Variants in RPS6KC1 observed in about 807,000 individuals in gnomAD.
The protein encoded by RPS6KC1 is inactive ribosomal protein S6 kinase delta-1.
In RPS6KC1, 54 loss-of-function variants were observed where a neutral mutation model predicts 103.8. The ratio of observed to expected loss-of-function variants is 0.52; its 90% confidence interval spans 0.42 to 0.65. The LOEUF is 0.65. Ranked by LOEUF, RPS6KC1 falls within the 30% of genes least tolerant of loss-of-function variation. RPS6KC1 has a pLI of 0.00. For missense variants in RPS6KC1, 1,151 were observed against 1,253.8 expected (o/e 0.92, Z 1.24); for synonymous variants, 439 against 438.7 (o/e 1.00, Z -0.01).
At chr1:213,564,553 G>C in the RPS6KC1 span, among the ~76,000 whole-genome samples, 1 of 152,152 alleles carries the variant, frequency 6.6e-6, no homozygotes, top group African/African-American at 2.4e-5. Flanking sequence ...TTTCTTTGTT[G>C]CCACATTGGA....
the RPS6KC1 span, among the ~76,000 whole-genome samples, chr1:213,579,375 G>A: frequency 6.6e-6 from 1 of 152,102 alleles, no homozygotes; most frequent in African/African-American, 2.4e-5. Flanking sequence ...CAGAAGAAAA[G>A]TTAGAAGCTA....
At chr1:213,160,859 G>A (rs948224929) in intron 6 of RPS6KC1, among the ~76,000 whole-genome samples, 1 of 151,724 alleles carries the variant, frequency 6.6e-6, no homozygotes, top group African/African-American at 2.4e-5. Flanking sequence ...TGGGGTGGGG[G>A]GATGGGGGAG....
At chr1:213,204,640 T>C (rs1195540025) in intron 8 of RPS6KC1, among the ~76,000 whole-genome samples, 1 of 150,776 alleles carries the variant, frequency 6.6e-6, no homozygotes, top group East Asian at 1.9e-4. Context: ...TTTTTTTTTT[T>C]TGAGGCAGGA....
chr1:213,478,235 T>C, the RPS6KC1 span, among the ~76,000 whole-genome samples: 2 of 152,316 alleles, frequency 1.3e-5, 1 homozygote, highest in South Asian at 4.1e-4. Flanking sequence ...ATTGTCCGAA[T>C]GTACCACACT....
the RPS6KC1 span, among the ~76,000 whole-genome samples, chr1:213,400,732 A>C: frequency 6.7e-6 from 1 of 149,922 alleles, no homozygotes; most frequent in Admixed American, 6.6e-5. Context: ...TTTGAGACAG[A>C]GTCTCGCTCT....
the RPS6KC1 span, among the ~76,000 whole-genome samples, chr1:213,526,585 T>C: frequency 6.6e-6 from 1 of 152,120 alleles, no homozygotes; most frequent in South Asian, 2.1e-4. Flanking sequence ...ATAAAATCTG[T>C]TGGAAAGAAT....
the RPS6KC1 span, among the ~76,000 whole-genome samples, chr1:213,469,713 T>C: frequency 6.6e-6 from 1 of 152,204 alleles, no homozygotes; most frequent in African/African-American, 2.4e-5. Context: ...AAACAAACTT[T>C]AGTTTTAAAA....
intron 4 of RPS6KC1, among the ~76,000 whole-genome samples, chr1:213,106,860 A>T (rs1005643713): frequency 1.3e-5 from 2 of 152,214 alleles, no homozygotes; most frequent in African/African-American, 4.8e-5. Flanking sequence ...TACAGTTACT[A>T]ATTATAATTG....
intron 6 of RPS6KC1, among the ~76,000 whole-genome samples, chr1:213,154,078 C>A (rs112393745): frequency 0.01 from 1,590 of 152,276 alleles, 31 homozygotes; most frequent in African/African-American, 0.036. Context: ...CAGTCAGAGG[C>A]TCTTGTTGTT....
chr1:213,537,226 A>C, the RPS6KC1 span, among the ~76,000 whole-genome samples: 1 of 152,168 alleles, frequency 6.6e-6, no homozygotes, highest in Non-Finnish European at 1.5e-5. Context: ...CAAAGAGTGA[A>C]TCTCTGGGTT....
the RPS6KC1 span, among the ~76,000 whole-genome samples, chr1:213,554,129 G>T: frequency 2.0e-5 from 3 of 152,012 alleles, no homozygotes; most frequent in African/African-American, 7.3e-5. Context: ...TATTTCTTAG[G>T]TTTTCTTCTA....
chr1:213,059,697 G>A (rs942153757), intron 1 of RPS6KC1, among the ~76,000 whole-genome samples: 4 of 150,526 alleles, frequency 2.7e-5, no homozygotes, highest in East Asian at 2.0e-4. Flanking sequence ...TTTTTGAGAC[G>A]CATCTCGCTC....
At chr1:213,469,722 A>G in the RPS6KC1 span, among the ~76,000 whole-genome samples, 1 of 152,200 alleles carries the variant, frequency 6.6e-6, no homozygotes, top group African/African-American at 2.4e-5. Flanking sequence ...TTAGTTTTAA[A>G]AATCACATAA....
intron 7 of RPS6KC1, 60 bp downstream of exon 7, chr1:213,168,033 G>A: frequency 2.0e-6 from 2 of 998,520 alleles, no homozygotes; most frequent in Non-Finnish European, 3.1e-6. Context: ...TGGTCTCTCT[G>A]CTTTATTTCT....
chr1:213,746,720 G>A, the RPS6KC1 span, among the ~76,000 whole-genome samples: 1 of 152,296 alleles, frequency 6.6e-6, no homozygotes, highest in African/African-American at 2.4e-5. Context: ...AAGCAGGGCA[G>A]CAGAGTGGAG....
At chr1:213,191,780 C>T (rs192378624) in intron 8 of RPS6KC1, among the ~76,000 whole-genome samples, 28 of 151,840 alleles carry the variant, frequency 1.8e-4, no homozygotes, top group Admixed American at 3.3e-4. Flanking sequence ...ATGGGTCTGT[C>T]GTATATGGTT....
chr1:213,272,824 G>A lies in RPS6KC1; in HGVS notation c.*190G>A. 1 of 500,876 alleles carries A rather than the reference G, an allele frequency of 2.0e-6. No individual in the cohort carries two copies. The highest frequency in any genetic ancestry group is 3.7e-6 in the Non-Finnish European group (1 of 272,836). The allele number at this position is 500,876 out of a possible 1,614,324, so 31.0% of individuals were successfully genotyped here. A position where few individuals can be genotyped will look rare whatever the true frequency, so the allele number is the denominator to read the frequency against. ...CAATTACAAGATATTAGCTAATTGT[G>A]CCAGGGGCTGTTATATACATATATA... On this transcript the variant is annotated 3_prime_UTR_variant, in exon 15 of 15. Coordinates refer to ENST00000366960, the MANE Select transcript of RPS6KC1 (RefSeq NM_012424.6).
the RPS6KC1 span, among the ~76,000 whole-genome samples, chr1:213,816,579 G>A: frequency 6.6e-6 from 1 of 152,150 alleles, no homozygotes; most frequent in African/African-American, 2.4e-5. Context: ...TACCTGGGCC[G>A]CTCGTGGGTA....
the RPS6KC1 span, among the ~76,000 whole-genome samples, chr1:213,516,903 G>C: frequency 2.0e-5 from 3 of 152,190 alleles, no homozygotes; most frequent in African/African-American, 7.2e-5. Flanking sequence ...CTTCATTTCA[G>C]AGCCTGTTAT....
Sources: allele counts gnomAD v4.1 joint callset (sites outside exome capture counted in the v4.1 genomes callset), GRCh38; gene constraint gnomAD v4.1.1; transcripts MANE v1.5; gene names NCBI Gene and HGNC (gene_info 2026-07-23, HGNC 2026-07-21).